Variants in PCDHGB4 observed in about 807,000 individuals in gnomAD.
The protein encoded by PCDHGB4 is protocadherin gamma-B4.
A neutral mutation model predicts 60.5 loss-of-function variants in PCDHGB4; 38 were observed. The ratio of observed to expected loss-of-function variants is 0.63; its 90% CI spans 0.48 to 0.82. The LOEUF (loss-of-function observed/expected upper bound fraction) is 0.82, where lower values mean the gene tolerates loss of function less well. PCDHGB4 is among the 40% of genes least tolerant of loss of function. The pLI is 0.00. For synonymous variants in PCDHGB4, 456 were observed against 509.7 expected (o/e 0.89, Z 1.42); for missense variants, 1,109 against 1,209.6 (o/e 0.92, Z 1.23).
At chr5:141,509,040 C>G (rs1217864661) in intron 3 of PCDHGB4, among the ~76,000 whole-genome samples, 1 of 152,132 alleles carries the variant, frequency 6.6e-6, no homozygotes, top group Non-Finnish European at 1.5e-5. Context: ...CAACCCCTCT[C>G]CCCCGCCCCC....
intron 1 of PCDHGB4, among the ~76,000 whole-genome samples, chr5:141,458,081 G>GTTT (rs1259527184): frequency 6.6e-6 from 1 of 152,186 alleles, no homozygotes; most frequent in Non-Finnish European, 1.5e-5. Flanking sequence ...CTATATTGCC[G>GTTT]TAAGTTAAGA....
In PCDHGB4 at chr5:141,477,491, C is replaced by T; in HGVS notation, c.2398-17316C>T. 1 of 1,614,154 alleles carries T rather than the reference C, an allele frequency of 6.2e-7. No homozygotes were observed. The highest frequency in any genetic ancestry group is 8.5e-7 in the Non-Finnish European group (1 of 1,180,022). On this transcript the variant is annotated intron_variant, in intron 1 of 3. Coordinates refer to ENST00000519479, the MANE Select transcript of PCDHGB4 (RefSeq NM_003736.4). The surrounding 1 kb of genome is among the most constrained non-coding windows in gnomAD (Gnocchi z 4.9). ...CAATGACAACCCTCCACAATCTTCT[C>T]AATCTTCCTACGACGTTTACATTGA...
intron 1 of PCDHGB4, chr5:141,441,799 G>C (rs546770596): frequency 2.6e-6 from 1 of 385,350 alleles, no homozygotes; most frequent in Non-Finnish European, 5.2e-6. Context: ...AACGCACCGC[G>C]GGTGCTGTAC....
rs1050545030 is a variant in PCDHGB4, at chr5:141,410,711, A to G, written c.2397+20430A>G. The G allele has an allele frequency of 4.2e-6, 6 of 1,436,568 alleles. No individual in the cohort carries two copies. In the African/African-American group the frequency reaches 7.6e-5, roughly 18 times the overall value. The allele number at this position is 1,436,568 out of a possible 1,614,324, so 89.0% of individuals were successfully genotyped here. A position where few individuals can be genotyped will look rare whatever the true frequency, so the allele number is the denominator to read the frequency against. ...CTACTTTATTTTCATATCTAGAATC[A>G]TATGTTTAAAATCCATAGCTTTTTA... On this transcript the variant is annotated intron_variant, in intron 1 of 3. Transcript: ENST00000519479.
At chr5:141,405,830 G>A (rs1214599375) in intron 1 of PCDHGB4, among the ~76,000 whole-genome samples, 3 of 152,148 alleles carry the variant, frequency 2.0e-5, no homozygotes, top group East Asian at 1.9e-4. Flanking sequence ...ACTTAAGGTA[G>A]TATAAGTTGA....
At chr5:141,504,452 T>C (rs1208972630) in intron 2 of PCDHGB4, among the ~76,000 whole-genome samples, 1 of 152,060 alleles carries the variant, frequency 6.6e-6, no homozygotes, top group Non-Finnish European at 1.5e-5. Flanking sequence ...TAGTGCCATG[T>C]GGGGCAGCCG....
chr5:141,467,057 T>TG, intron 1 of PCDHGB4, among the ~76,000 whole-genome samples: 1 of 144,752 alleles, frequency 6.9e-6, no homozygotes, highest in Non-Finnish European at 1.5e-5. Context: ...AATGTTTTCT[T>TG]TTTTTTTTTT....
intron 1 of PCDHGB4, among the ~76,000 whole-genome samples, chr5:141,483,997 T>G (rs2099590025): frequency 8.6e-5 from 6 of 69,516 alleles, no homozygotes; most frequent in East Asian, 4.4e-4. Context: ...TGCTGGGAGG[T>G]CTGGATGAGG....
Position 141,476,977 on chromosome 5 carries a change from C to A in PCDHGB4, c.2398-17830C>A, listed in dbSNP as rs141692339. On this transcript the variant is annotated intron_variant, in intron 1 of 3. Coordinates refer to ENST00000519479, the MANE Select transcript of PCDHGB4 (RefSeq NM_003736.4). The surrounding 1 kb of genome is among the most constrained non-coding windows in gnomAD (Gnocchi z 7.6). The stretch of plus-strand genomic sequence containing the variant: ...TTATTTACTCCTTCGGCAGCCACAA[C>A]CGCGCCGGCGTGCGGCAACTATTCG... 6.2e-7 allele frequency: 1 copy of A among 1,614,232 alleles called. No individual in the cohort carries two copies. The highest frequency in any genetic ancestry group is 8.5e-7 in the Non-Finnish European group (1 of 1,180,040).
At chr5:141,427,695 C>T in intron 1 of PCDHGB4, 1 of 918,214 alleles carries the variant, frequency 1.1e-6, no homozygotes, top group Non-Finnish European at 1.7e-6. Context: ...CTCCATCCCA[C>T]AAGTCAGCGC....
intron 1 of PCDHGB4, chr5:141,428,863 T>C (rs1160939898): frequency 6.7e-6 from 1 of 149,182 alleles, no homozygotes; most frequent in African/African-American, 2.4e-5. Context: ...CGGGAGACTT[T>C]TTTTTTTTTT....
intron 1 of PCDHGB4, chr5:141,422,206 G>A (rs1269700250): frequency 6.4e-7 from 1 of 1,562,324 alleles, no homozygotes; most frequent in Non-Finnish European, 8.6e-7. Flanking sequence ...AGATGGTGGA[G>A]GTCTCTTTAC....
chr5:141,414,009 TGGA>T (rs2095701451), intron 1 of PCDHGB4: 2 of 1,612,964 alleles, frequency 1.2e-6, no homozygotes, highest in Middle Eastern at 1.7e-4. Context: ...AAGGTGCCAA[TGGA>T]GAAGTGACAT....
At chr5:141,499,707 T>G (rs1303008532) in intron 2 of PCDHGB4, among the ~76,000 whole-genome samples, 2 of 150,494 alleles carry the variant, frequency 1.3e-5, no homozygotes, top group African/African-American at 2.5e-5. Flanking sequence ...TTTTTTTTTT[T>G]TTTTGGAGAC....
chr5:141,403,530 AG>A (rs1303990777), intron 1 of PCDHGB4: 2 of 1,613,988 alleles, frequency 1.2e-6, no homozygotes. Context: ...ATAAACCCAG[AG>A]CTGGTGCTGG....
At chr5:141,446,922 T>G (rs939249512) in intron 1 of PCDHGB4, among the ~76,000 whole-genome samples, 1 of 152,220 alleles carries the variant, frequency 6.6e-6, no homozygotes, top group Non-Finnish European at 1.5e-5. Context: ...TTTATCTTCC[T>G]GATCTCTTTT....
chr5:141,392,089 A>G (rs1278879227), intron 1 of PCDHGB4: 2 of 152,236 alleles, frequency 1.3e-5, no homozygotes, highest in Non-Finnish European at 2.9e-5. Context: ...ATTTAGAAGA[A>G]TAATTTAAAA....
chr5:141,477,052 C>T lies in PCDHGB4; in HGVS notation c.2398-17755C>T. On this transcript the variant is annotated intron_variant, in intron 1 of 3. Coordinates refer to ENST00000519479, the MANE Select transcript of PCDHGB4 (RefSeq NM_003736.4). The surrounding 1 kb of genome is among the most constrained non-coding windows in gnomAD (Gnocchi z 4.9). ...TGACAATCAAGGGTCGGCTGGACTT[C>T]GAGGACACCAAACTCCATGAGATTT... 1.2e-6 allele frequency: 2 copies of T among 1,614,240 alleles called. No individual in the cohort carries two copies. The highest frequency in any genetic ancestry group is 1.7e-6 in the Non-Finnish European group (2 of 1,180,032).
In PCDHGB4 at chr5:141,390,041, C is replaced by A. The variant is rs373243233; in HGVS notation, c.2157C>A (p.Pro719=). The change falls in exon 1 of 4, where the codon CCC becomes CCA. Residue 719 remains proline, a synonymous_variant. Coordinates refer to ENST00000519479, the MANE Select transcript of PCDHGB4 (RefSeq NM_003736.4). ...IALRLRRSSS[P]ASWSCFQPGL... is the part of the protein sequence containing the mutation. ...TGCGCCTGCGACGCTCCTCCAGCCC[C>A]GCCTCCTGGAGCTGCTTCCAGCCTG... is the stretch of plus-strand genomic sequence containing the variant. The A allele has an allele frequency of 3.7e-6, 6 of 1,613,940 alleles. No homozygotes were observed. In the African/African-American group the frequency reaches 8.0e-5, roughly 22 times the overall value.
Sources: allele counts gnomAD v4.1 joint callset (sites outside exome capture counted in the v4.1 genomes callset), GRCh38; gene constraint gnomAD v4.1.1; non-coding constraint Gnocchi (gnomAD v3.1); transcripts MANE v1.5; gene names NCBI Gene and HGNC (gene_info 2026-07-23, HGNC 2026-07-21).